PARG: variants seen among roughly 807,000 people sequenced by gnomAD.
The protein encoded by PARG is mitochondrial poly(ADP-ribose) glycohydrolase.
Under a neutral mutation model 113.0 loss-of-function variants are expected in PARG, and 35 were observed. That is an observed-to-expected ratio of 0.31 (90% CI 0.24 to 0.41). PARG has a LOEUF of 0.41. Ranked by LOEUF, PARG falls within the 10% of genes least tolerant of loss-of-function variation. The probability of loss-of-function intolerance (pLI) is 1.00; values close to 1 mark genes in which losing one functional copy is unlikely to be tolerated. For missense variants in PARG, 797 were observed against 1,169.4 expected (o/e 0.68, Z 4.64); for synonymous variants, 330 against 409.9 (o/e 0.81, Z 2.36).
At chr10:49,854,976 C>A (rs1239531491) in intron 13 of PARG, among the ~76,000 whole-genome samples, 1 of 139,060 alleles carries the variant, frequency 7.2e-6, no homozygotes, top group Non-Finnish European at 1.6e-5. Flanking sequence ...GAAAGTATGG[C>A]CCATACTCAA....
chr10:49,910,306 C>G (rs1837098137), intron 7 of PARG, among the ~76,000 whole-genome samples: 1 of 152,146 alleles, frequency 6.6e-6, no homozygotes, highest in Non-Finnish European at 1.5e-5. Context: ...TTGCAATAAT[C>G]TATTTTGTAT....
chr10:49,820,368 T>G, intron 16 of PARG, 75 bp from the exon 17 acceptor site: 1 of 979,404 alleles, frequency 1.0e-6, no homozygotes, highest in South Asian at 1.6e-5. Flanking sequence ...TACCAGCTGG[T>G]GTGCCACAGC....
chr10:49,832,838 C>A lies in PARG; in HGVS notation c.2612G>T (p.Gly871Val). The change falls in exon 16 of 18, where the codon GGC (glycine) becomes GTC (valine). Residue 871 changes from glycine (G) to valine (V), a missense_variant. By Grantham distance (109) the Gly-to-Val change is moderately radical. Around this residue, in one of 5 missense-constraint regions of PARG, gnomAD observed 194 missense variants for 247.1 expected, o/e 0.79. Coordinates refer to ENST00000616448, the MANE Select transcript of PARG (RefSeq NM_003631.5). ...NLSAVATGNW[G>V]CGAFGGDARL... is the part of the protein sequence containing the mutation. ...GGCATCACCCCCAAAGGCACCACAG[C>A]CCCAGTTTCCTGTGGCCACTGCAGA... 1 of 1,550,120 alleles carries A rather than the reference C, an allele frequency of 6.5e-7. No homozygotes were observed. The highest frequency in any genetic ancestry group is 8.7e-7 in the Non-Finnish European group (1 of 1,145,708).
intron 6 of PARG, among the ~76,000 whole-genome samples, chr10:49,919,708 T>A (rs1418962415): frequency 1.3e-5 from 2 of 152,168 alleles, no homozygotes; most frequent in African/African-American, 4.8e-5. Flanking sequence ...CTGTGGCACA[T>A]GCCTGTAACA....
At position 49,865,810 on chromosome 10, in the gene PARG, G is replaced by A. The variant is rs1266465779; in HGVS notation, c.2069-429C>T. Among the ~76,000 whole-genome samples the A allele has an allele frequency of 4.0e-5, 6 of 150,198 alleles. 1 individual carries two copies. The highest frequency in any genetic ancestry group is 1.2e-4 in the African/African-American group (5 of 40,992). On this transcript the variant is annotated intron_variant, in intron 10 of 17. Coordinates refer to ENST00000616448, the MANE Select transcript of PARG (RefSeq NM_003631.5). Reference sequence around the variant, plus strand: ...ATTTGTAGACTCCTTTACAAAGAAAGGACTTAACCCTACATTCAAAGACTG... The same window carrying A: ...ATTTGTAGACTCCTTTACAAAGAAAAGACTTAACCCTACATTCAAAGACTG...
chr10:49,881,713 T>A (rs1348012464), intron 8 of PARG, among the ~76,000 whole-genome samples: 1 of 152,214 alleles, frequency 6.6e-6, no homozygotes, highest in African/African-American at 2.4e-5. Flanking sequence ...AATAAGAGTT[T>A]GCCAGAAAAA....
At chr10:49,931,886 T>C (rs1285254877) in intron 4 of PARG, among the ~76,000 whole-genome samples, 1 of 152,250 alleles carries the variant, frequency 6.6e-6, no homozygotes, top group African/African-American at 2.4e-5. Context: ...ATCTTCACCA[T>C]CAGCTGATAA....
intron 2 of PARG, 91 bp from the exon 3 acceptor site, chr10:49,934,254 C>T (rs1838634779): frequency 7.6e-6 from 5 of 657,360 alleles, no homozygotes; most frequent in Middle Eastern, 7.0e-4. Context: ...AGTAATTAAA[C>T]TCCCTGTGGT....
chr10:49,903,441 T>C (rs1172431339), intron 7 of PARG, among the ~76,000 whole-genome samples: 1 of 152,014 alleles, frequency 6.6e-6, no homozygotes, highest in Non-Finnish European at 1.5e-5. Flanking sequence ...CATTTTTGTG[T>C]GCTGGACTAC....
intron 8 of PARG, among the ~76,000 whole-genome samples, chr10:49,881,593 A>T (rs2132633739): frequency 6.6e-6 from 1 of 152,282 alleles, no homozygotes; most frequent in Middle Eastern, 3.4e-3. Context: ...ATCATACCTC[A>T]GGAGTGGACA....
chr10:49,864,935 T>A (rs1410896582), intron 11 of PARG, among the ~76,000 whole-genome samples: 1 of 145,616 alleles, frequency 6.9e-6, no homozygotes, highest in Non-Finnish European at 1.5e-5. Context: ...CTTTTCTCAA[T>A]CTTGTCCTCC....
In PARG at chr10:49,866,196, C is replaced by T. The variant is rs1244390283; in HGVS notation, c.2069-815G>A. Reference sequence around the variant, plus strand: ...AATCAGCTGGCCAGAAGTAATTTGTCTGATTCAAATCAAAGAACAAACTAA... The same window carrying T: ...AATCAGCTGGCCAGAAGTAATTTGTTTGATTCAAATCAAAGAACAAACTAA... On this transcript the variant is annotated intron_variant, in intron 10 of 17. Transcript: ENST00000616448. Among the ~76,000 whole-genome samples the T allele has an allele frequency of 3.9e-5, 6 of 152,194 alleles. No homozygotes were observed. In the East Asian group the frequency reaches 9.6e-4, roughly 24 times the overall value.
chr10:49,894,974 C>G (rs1848004265), intron 7 of PARG, among the ~76,000 whole-genome samples: 1 of 152,128 alleles, frequency 6.6e-6, no homozygotes, highest in Non-Finnish European at 1.5e-5. Context: ...GCAGATACAT[C>G]AGTCCAATCT....
Position 49,922,634 on chromosome 10 carries a change from A to C in PARG, c.1491T>G (p.Pro497=). The C allele has an allele frequency of 6.3e-7, 1 of 1,591,036 alleles. No individual in the cohort carries two copies. Among genetic ancestry groups the C allele is most frequent in the Non-Finnish European group, 8.6e-7 (1 of 1,167,408 alleles). The change falls in exon 5 of 18, where the codon CCT becomes CCG. Residue 497 remains proline, a synonymous_variant. Coordinates refer to ENST00000616448, the MANE Select transcript of PARG (RefSeq NM_003631.5). ...ACAAATCTTTATAATGTGTTGGAAA[A>C]GGTTTAGGAACTTCTCCTGCTCGCA... The part of the protein sequence containing the change: ...DLLRAGEVPK[P]FPTHYKDLWD...
chr10:49,879,682 T>A lies in PARG; in HGVS notation c.1979A>T (p.Asn660Ile). Residue 660 changes from asparagine (N) to isoleucine (I), a missense_variant, in exon 9 of 18, where the codon AAC becomes ATC. Coordinates refer to ENST00000616448, the MANE Select transcript of PARG (RefSeq NM_003631.5). ...TTTTCTGAAAACATACCGATTGAAG[T>A]TAATGTCTGGGTAACTAGAATACTC... is the stretch of plus-strand genomic sequence containing the variant. ...KSEYSSYPDI[N>I]FNRLFEGRSS... 1 of 1,541,458 alleles carries A rather than the reference T, an allele frequency of 6.5e-7. No homozygotes were observed. The highest frequency in any genetic ancestry group is 8.8e-7 in the Non-Finnish European group (1 of 1,139,370).
At position 49,933,603 on chromosome 10, in the gene PARG, G is replaced by C; in HGVS notation, c.845C>G (p.Thr282Ser). Residue 282 changes from threonine (T) to serine (S), a missense_variant, in exon 3 of 18, where the codon ACT (threonine) becomes AGT (serine). By Grantham distance (58) the Thr-to-Ser change is moderately conservative. Coordinates refer to ENST00000616448, the MANE Select transcript of PARG (RefSeq NM_003631.5). ...ATTTCCTAGGCAACTTTCTTGTCTA[G>C]TCAATTTGTTGTCATTTTTTGGCCC... Reference protein sequence around the residue: ...GTGPKNDNKLTRQESCLGNSP... With the variant: ...GTGPKNDNKLSRQESCLGNSP... The C allele has an allele frequency of 6.2e-7, 1 of 1,610,624 alleles. No individual in the cohort carries two copies. The highest frequency in any genetic ancestry group is 8.5e-7 in the Non-Finnish European group (1 of 1,176,970).
At chr10:49,835,953 A>G (rs1395232410) in intron 15 of PARG, among the ~76,000 whole-genome samples, 1 of 152,136 alleles carries the variant, frequency 6.6e-6, no homozygotes, top group Non-Finnish European at 1.5e-5. Context: ...ACAGCTGCCT[A>G]TAGTATTCAG....
chr10:49,889,135 T>C (rs1240033340), intron 7 of PARG, among the ~76,000 whole-genome samples: 2 of 151,766 alleles, frequency 1.3e-5, no homozygotes, highest in Non-Finnish European at 2.9e-5. Flanking sequence ...CTCAGCCTTC[T>C]TGTGATGGCT....
At chr10:49,881,203 C>T (rs1564629464) in intron 8 of PARG, among the ~76,000 whole-genome samples, 1 of 152,150 alleles carries the variant, frequency 6.6e-6, no homozygotes, top group Admixed American at 6.5e-5. Context: ...GCCCCCTTTA[C>T]ATGTATTGAT....
Sources: gnomAD v4.1 joint callset for allele counts (sites outside exome capture counted in the v4.1 genomes callset) on GRCh38, gnomAD v4.1.1 for gene constraint, gnomAD v4.1.1 regional missense constraint, MANE v1.5 for transcripts, NCBI Gene and HGNC (gene_info 2026-07-23, HGNC 2026-07-21) for gene names.